The following NEGR1 variants were observed in gnomAD, a reference collection of about 807,000 sequenced individuals.
NEGR1 encodes the protein neuronal growth regulator 1, also known as IgLON family member 4.
Under a neutral mutation model 40.9 loss-of-function variants are expected in NEGR1, and 10 were observed. The observed-to-expected ratio is 0.24, with a 90% CI of 0.15 to 0.42. The LOEUF (loss-of-function observed/expected upper bound fraction) is 0.42, where lower values mean the gene tolerates loss of function less well. Ranked by LOEUF, NEGR1 falls within the 10% of genes least tolerant of loss-of-function variation. The pLI, the probability that NEGR1 is intolerant of heterozygous loss-of-function variation, is 1.00. For synonymous variants in NEGR1, 185 were observed against 166.8 expected, an observed-to-expected ratio of 1.11 and a Z score of -0.84; for missense variants, 352 against 438.9, an observed-to-expected ratio of 0.80 and a Z score of 1.77.
At chr1:71,733,513 T>A (rs533935679) in intron 3 of NEGR1, among the ~76,000 whole-genome samples, 1 of 152,338 alleles carries the variant, frequency 6.6e-6, no homozygotes, top group East Asian at 1.9e-4. Flanking sequence ...AAATTGTAAA[T>A]GTCACTTGCC....
intron 2 of NEGR1, among the ~76,000 whole-genome samples, chr1:71,870,131 C>T (rs1036866532): frequency 3.3e-5 from 5 of 152,002 alleles, no homozygotes; most frequent in African/African-American, 7.2e-5. Context: ...CTGCCCACCT[C>T]GGTCTCCCAA....
chr1:71,697,380 A>G (rs769693290), intron 4 of NEGR1, among the ~76,000 whole-genome samples: 4 of 151,810 alleles, frequency 2.6e-5, no homozygotes, highest in Non-Finnish European at 4.4e-5. Flanking sequence ...CATAAGATAT[A>G]TAATAGGATG....
At chr1:71,845,401 G>T (rs1179454268) in intron 2 of NEGR1, among the ~76,000 whole-genome samples, 1 of 151,990 alleles carries the variant, frequency 6.6e-6, no homozygotes, top group African/African-American at 2.4e-5. Context: ...GTAGGAGATG[G>T]TAAGAAAAAA....
At chr1:71,624,392 G>C (rs6696052) in intron 4 of NEGR1, among the ~76,000 whole-genome samples, 5 of 151,604 alleles carry the variant, frequency 3.3e-5, no homozygotes, top group African/African-American at 2.4e-5. Flanking sequence ...TCAGCACAGT[G>C]GCCATAGTGT....
intron 4 of NEGR1, among the ~76,000 whole-genome samples, chr1:71,684,296 TTAAA>T (rs923061466): frequency 5.3e-5 from 8 of 152,158 alleles, no homozygotes; most frequent in African/African-American, 1.2e-4. Flanking sequence ...CGCATATTAA[TTAAA>T]TATTACTAAT....
chr1:71,488,237 T>G (rs1368096407), intron 6 of NEGR1: 1 of 151,660 alleles, frequency 6.6e-6, no homozygotes, highest in East Asian at 1.9e-4. Context: ...GAGGCAACAG[T>G]TTTGTGATGG....
At position 71,792,003 on chromosome 1, in the gene NEGR1, T is replaced by G. The variant is rs144006655; in HGVS notation, c.410-15706A>C. Among the ~76,000 whole-genome samples the G allele has an allele frequency of 2.5e-3, 384 of 152,254 alleles. 1 individual carries two copies. Among genetic ancestry groups the G allele is most frequent in the African/African-American group, 9.0e-3 (372 of 41,558 alleles). On this transcript the variant is annotated intron_variant, in intron 2 of 6. Transcript: ENST00000357731. ...GGCAGTTTAGCTTTACAGCTCAACT[T>G]GGTAGAAACAAGATTAAAATGTTAG...
intron 2 of NEGR1, among the ~76,000 whole-genome samples, chr1:71,853,452 GT>G (rs1374911212): frequency 6.6e-6 from 1 of 152,010 alleles, no homozygotes; most frequent in Non-Finnish European, 1.5e-5. Context: ...ATATGTTAGT[GT>G]TGATATTTTT....
intron 2 of NEGR1, among the ~76,000 whole-genome samples, chr1:71,888,017 AC>A (rs1660775654): frequency 2.0e-5 from 3 of 151,536 alleles, no homozygotes; most frequent in Non-Finnish European, 4.4e-5. Context: ...ACACACACAC[AC>A]ACACACACAC....
chr1:71,888,178 A>G (rs1257121006), intron 2 of NEGR1, among the ~76,000 whole-genome samples: 1 of 152,142 alleles, frequency 6.6e-6, no homozygotes, highest in Non-Finnish European at 1.5e-5. Context: ...GAATAGAAAA[A>G]GAAACTGATT....
At chr1:72,276,888 G>C (rs965498900) in intron 1 of NEGR1, among the ~76,000 whole-genome samples, 2 of 152,258 alleles carry the variant, frequency 1.3e-5, no homozygotes, top group Admixed American at 1.3e-4. Context: ...GAATACCTGG[G>C]AAGCCAAATA....
chr1:71,426,942 C>T (rs1195959150), intron 6 of NEGR1, among the ~76,000 whole-genome samples: 2 of 152,122 alleles, frequency 1.3e-5, no homozygotes, highest in Non-Finnish European at 2.9e-5. Context: ...AAAGAAATGC[C>T]AGTAAGGGAG....
At chr1:72,048,540 G>A (rs1647024367) in intron 1 of NEGR1, among the ~76,000 whole-genome samples, 1 of 151,412 alleles carries the variant, frequency 6.6e-6, no homozygotes, top group South Asian at 2.1e-4. Context: ...TCCCCAAAAG[G>A]GAACCACTAA....
intron 4 of NEGR1, among the ~76,000 whole-genome samples, chr1:71,645,183 T>C (rs1346771475): frequency 6.6e-6 from 1 of 152,016 alleles, no homozygotes; most frequent in Non-Finnish European, 1.5e-5. Context: ...TCTTTGATTA[T>C]GTTCTACTGT....
chr1:71,888,035 A>ACC (rs1484623420), intron 2 of NEGR1, among the ~76,000 whole-genome samples: 5 of 141,796 alleles, frequency 3.5e-5, no homozygotes, highest in African/African-American at 1.3e-4. Context: ...ACACACACAC[A>ACC]CCTCTAGAAT....
intron 1 of NEGR1, among the ~76,000 whole-genome samples, chr1:72,252,546 T>G (rs1181084086): frequency 6.6e-6 from 1 of 152,230 alleles, no homozygotes; most frequent in Admixed American, 6.5e-5. Flanking sequence ...GTAACACAGT[T>G]GTTGATATCT....
At chr1:71,857,093 C>T (rs1341113215) in intron 2 of NEGR1, among the ~76,000 whole-genome samples, 1 of 151,904 alleles carries the variant, frequency 6.6e-6, no homozygotes, top group African/African-American at 2.4e-5. Flanking sequence ...AACAGGAAAT[C>T]ATAGTGAAAA....
At position 72,192,684 on chromosome 1, in the gene NEGR1, C is replaced by T. The variant is rs556109242; in HGVS notation, c.176+89635G>A. Among the ~76,000 whole-genome samples the T allele has an allele frequency of 9.9e-5, 15 of 151,866 alleles. 2 individuals are homozygous for T. In the South Asian group the frequency reaches 3.1e-3, roughly 31 times the overall value. The stretch of plus-strand genomic sequence containing the variant: ...TAAGCTTCCAATATTCCATGTATTA[C>T]CACTATTATATCAAATTGCATATTG... On this transcript the variant is annotated intron_variant, in intron 1 of 6. Transcript: ENST00000357731.
chr1:71,504,152 G>A (rs1647016532), intron 6 of NEGR1, among the ~76,000 whole-genome samples: 1 of 151,662 alleles, frequency 6.6e-6, no homozygotes, highest in East Asian at 1.9e-4. Flanking sequence ...ATTAGATCCA[G>A]AGGACCCAGA....
Sources: allele counts gnomAD v4.1 joint callset (sites outside exome capture counted in the v4.1 genomes callset), GRCh38; gene constraint gnomAD v4.1.1; transcripts MANE v1.5; gene names NCBI Gene and HGNC (gene_info 2026-07-23, HGNC 2026-07-21).